The following IL6R variants were observed in gnomAD, a reference collection of about 807,000 sequenced individuals.
The protein encoded by IL6R is interleukin-6 receptor subunit alpha.
Under a neutral mutation model 48.3 loss-of-function variants are expected in IL6R, and 38 were observed. The observed-to-expected ratio is 0.79, with a 90% confidence interval of 0.61 to 1.03. The LOEUF is 1.03. Among genes scored for constraint, IL6R ranks in the 50% least tolerant of loss-of-function variants. The pLI, the probability that IL6R is intolerant of heterozygous loss-of-function variation, is 0.00. For missense variants in IL6R, 534 were observed against 618.3 expected (o/e 0.86, Z 1.45); for synonymous variants, 264 against 256.2 (o/e 1.03, Z -0.29).
rs1440568506 is a variant in IL6R, at chr1:154,405,601, G to A, written c.-29G>A. On this transcript the variant is annotated 5_prime_UTR_variant, in exon 1 of 10. Transcript: ENST00000368485. The surrounding 1 kb of genome is among the most constrained non-coding windows in gnomAD (Gnocchi z 5.2). ...CCCATTAGCCTGTCCGCCTCTGCGG[G>A]ACCATGGAGTGGTAGCCGAGGAGGA... The A allele has an allele frequency of 3.9e-6, 6 of 1,522,986 alleles. No individual in the cohort carries two copies. The highest frequency in any genetic ancestry group is 5.3e-6 in the Non-Finnish European group (6 of 1,141,370). 94.3% of individuals were successfully genotyped at this position (1,522,986 alleles called of 1,614,324 possible). A position where few individuals can be genotyped will look rare whatever the true frequency, so the allele number is the denominator to read the frequency against.
In IL6R at chr1:154,467,784, G is replaced by A. The variant is rs954270127; in HGVS notation, c.*2404G>A. ...AAAAAAAAGGCAGGCAGGCGGTTAT[G>A]GTGGTTCCCTCCCATCCCACCACAT... On this transcript the variant is annotated 3_prime_UTR_variant, in exon 10 of 10. Transcript: ENST00000368485. 6.6e-6 allele frequency: 1 copy of A among 152,150 alleles called. No homozygotes were observed. The highest frequency in any genetic ancestry group is 1.5e-5 in the Non-Finnish European group (1 of 68,018). 9.4% of individuals were successfully genotyped at this position (152,150 alleles called of 1,614,324 possible).
intron 6 of IL6R, among the ~76,000 whole-genome samples, chr1:154,438,017 A>T (rs1689735310): frequency 6.6e-6 from 1 of 152,022 alleles, no homozygotes; most frequent in Non-Finnish European, 1.5e-5. Context: ...CCTGGCCTAA[A>T]CTTTTAAAAT....
chr1:154,447,001 C>T (rs912544150), intron 6 of IL6R, among the ~76,000 whole-genome samples: 3 of 152,086 alleles, frequency 2.0e-5, no homozygotes, highest in Non-Finnish European at 4.4e-5. Flanking sequence ...TTTGGCCAGA[C>T]GTGGTGGCAC....
rs764552452 is a variant in IL6R, at chr1:154,405,628, G to T, written c.-2G>T. The T allele has an allele frequency of 2.6e-6, 4 of 1,532,180 alleles. No individual in the cohort carries two copies. The highest frequency in any genetic ancestry group is 3.5e-6 in the Non-Finnish European group (4 of 1,146,738). 94.9% of individuals were successfully genotyped at this position (1,532,180 alleles called of 1,614,324 possible). A position where few individuals can be genotyped will look rare whatever the true frequency, so the allele number is the denominator to read the frequency against. Reference sequence around the variant, plus strand: ...CCATGGAGTGGTAGCCGAGGAGGAAGCATGCTGGCCGTCGGCTGCGCGCTG... The same window carrying T: ...CCATGGAGTGGTAGCCGAGGAGGAATCATGCTGGCCGTCGGCTGCGCGCTG... On this transcript the variant is annotated 5_prime_UTR_variant, in exon 1 of 10. Transcript: ENST00000368485. This position sits in a 1 kb window ranked among gnomAD's most constrained non-coding sequence, Gnocchi z 5.2.
At chr1:154,456,081 C>T (rs542728627) in intron 9 of IL6R, among the ~76,000 whole-genome samples, 5 of 151,880 alleles carry the variant, frequency 3.3e-5, no homozygotes, top group South Asian at 4.2e-4. Flanking sequence ...AAAAGTCACT[C>T]TCAATGCAGT....
intron 1 of IL6R, among the ~76,000 whole-genome samples, chr1:154,418,109 A>T (rs1688456371): frequency 6.6e-6 from 1 of 152,156 alleles, no homozygotes; most frequent in African/African-American, 2.4e-5. Context: ...ATCTCAGGTG[A>T]TCCGCCAGCC....
In IL6R at chr1:154,415,250, C is replaced by G; in HGVS notation, c.85+9536C>G. ...CAATATTTTAAAAGATTCTCCTTTTCTGGTATTGTTAAAAGTTTTAAAAGT... is the reference window on the plus strand; with the variant it reads ...CAATATTTTAAAAGATTCTCCTTTTGTGGTATTGTTAAAAGTTTTAAAAGT... On this transcript the variant is annotated intron_variant, in intron 1 of 9. Transcript: ENST00000368485. The G allele has an allele frequency of 5.0e-6, 3 of 602,326 alleles. No individual in the cohort carries two copies. In the South Asian group the frequency reaches 5.2e-5, roughly 10 times the overall value. 37.3% of individuals were successfully genotyped at this position (602,326 alleles called of 1,614,324 possible). A position where few individuals can be genotyped will look rare whatever the true frequency, so the allele number is the denominator to read the frequency against.
At chr1:154,439,320 A>G (rs921000111) in intron 6 of IL6R, among the ~76,000 whole-genome samples, 1 of 152,098 alleles carries the variant, frequency 6.6e-6, no homozygotes, top group African/African-American at 2.4e-5. Context: ...TTATATTATT[A>G]TTATTATTTT....
At position 154,405,715 on chromosome 1, in the gene IL6R, G is replaced by GT; in HGVS notation, c.85+2dup. The GT allele has an allele frequency of 1.3e-6, 2 of 1,501,852 alleles. No individual in the cohort carries two copies. The highest frequency in any genetic ancestry group is 1.8e-6 in the Non-Finnish European group (2 of 1,134,490). 93.0% of individuals were successfully genotyped at this position (1,501,852 alleles called of 1,614,324 possible). On this transcript the variant is annotated splice_donor_variant, in intron 1 of 9. Coordinates refer to ENST00000368485, the MANE Select transcript of IL6R (RefSeq NM_000565.4). LOFTEE classifies it high-confidence loss of function. This position sits in a 1 kb window ranked among gnomAD's most constrained non-coding sequence, Gnocchi z 5.2. Reference sequence around the variant, plus strand: ...GCCCCAAGGCGCTGCCCTGCGCAGGGTAAGGGCTTCGGGCGCACCTGGAGG... The same window carrying GT: ...GCCCCAAGGCGCTGCCCTGCGCAGGGTTAAGGGCTTCGGGCGCACCTGGAGG...
rs1691566010 is a variant in IL6R at position 154,466,734 on chromosome 1, G to A, written c.*1354G>A. The A allele has an allele frequency of 6.0e-6, 1 of 166,822 alleles. No homozygotes were observed. The highest frequency in any genetic ancestry group is 6.4e-5 in the Admixed American group (1 of 15,688). 10.3% of individuals were successfully genotyped at this position (166,822 alleles called of 1,614,324 possible). On this transcript the variant is annotated 3_prime_UTR_variant, in exon 10 of 10. Coordinates refer to ENST00000368485, the MANE Select transcript of IL6R (RefSeq NM_000565.4). ...GTGGTAGAGTGTGCCTGAAGTCCCAGATACTTGGGGGGCTGAGGTGGGAGG... is the reference window on the plus strand; with the variant it reads ...GTGGTAGAGTGTGCCTGAAGTCCCAAATACTTGGGGGGCTGAGGTGGGAGG...
Position 154,448,875 on chromosome 1 carries a change from C to CTTT in IL6R, c.996+731_996+733dup, listed in dbSNP as rs757221328. ...CATTGCAAGGGAGTGCTTGTAAGGG[C>CTTT]TTTTTTTTTTTTTTTTTTTTTTTTT... On this transcript the variant is annotated intron_variant, in intron 7 of 9. Transcript: ENST00000368485. Among the ~76,000 whole-genome samples, 629 of 73,060 alleles carry CTTT rather than the reference C, an allele frequency of 8.6e-3. 60 individuals carry two copies. Among genetic ancestry groups the CTTT allele is most frequent in the Non-Finnish European group, 0.012 (460 of 37,370 alleles). The allele number at this position is 73,060 out of a possible 152,430, so 47.9% of individuals were successfully genotyped here.
At chr1:154,445,175 G>A in intron 6 of IL6R, 1 of 452,226 alleles carries the variant, frequency 2.2e-6, no homozygotes, top group Non-Finnish European at 4.5e-6. Context: ...GTGATGAGCT[G>A]TCTGTTGGGT....
chr1:154,454,141 G>C (rs1009708824), intron 8 of IL6R: 9 of 327,236 alleles, frequency 2.8e-5, no homozygotes, highest in Non-Finnish European at 4.6e-5. Flanking sequence ...GTGGGAGCAG[G>C]TGGAATGTCA....
At chr1:154,455,154 G>A (rs11582218) in intron 9 of IL6R, among the ~76,000 whole-genome samples, 2 of 152,146 alleles carry the variant, frequency 1.3e-5, no homozygotes, top group Non-Finnish European at 2.9e-5. Context: ...CAAGTGATCC[G>A]CCTGCCTTGG....
At chr1:154,416,290 T>C (rs1225410672) in intron 1 of IL6R, among the ~76,000 whole-genome samples, 1 of 151,704 alleles carries the variant, frequency 6.6e-6, no homozygotes, top group Non-Finnish European at 1.5e-5. Context: ...ACACCATGAC[T>C]GGCTAATTTA....
intron 6 of IL6R, among the ~76,000 whole-genome samples, chr1:154,440,025 C>T (rs1689846514): frequency 6.6e-6 from 1 of 152,108 alleles, no homozygotes; most frequent in African/African-American, 2.4e-5. Flanking sequence ...GCCTTAGCCT[C>T]CTGAGTAGCT....
At chr1:154,446,675 G>A (rs555604687) in intron 6 of IL6R, among the ~76,000 whole-genome samples, 1 of 152,176 alleles carries the variant, frequency 6.6e-6, no homozygotes, top group Non-Finnish European at 1.5e-5. Flanking sequence ...AGCCGTGAGG[G>A]TGCCTGGTCC....
intron 6 of IL6R, among the ~76,000 whole-genome samples, chr1:154,438,479 C>T (rs4553185): frequency 0.53 from 79,933 of 151,412 alleles, 21,424 homozygotes; most frequent in Admixed American, 0.63. Context: ...GTAGTTGAAC[C>T]AAATTAATCA....
chr1:154,420,045 C>A (rs1266487002), intron 1 of IL6R, among the ~76,000 whole-genome samples: 1 of 151,972 alleles, frequency 6.6e-6, no homozygotes, highest in Non-Finnish European at 1.5e-5. Context: ...TTGGGAGTTA[C>A]TAGGACCTAA....
Sources: gnomAD v4.1 joint callset for allele counts (sites outside exome capture counted in the v4.1 genomes callset) on GRCh38, gnomAD v4.1.1 for gene constraint, Gnocchi (gnomAD v3.1) non-coding constraint, MANE v1.5 for transcripts, NCBI Gene and HGNC (gene_info 2026-07-23, HGNC 2026-07-21) for gene names.